KLRD1: variants seen among roughly 807,000 people sequenced by gnomAD.
KLRD1 encodes the protein killer cell lectin like receptor D1.
In KLRD1, 21 loss-of-function variants were observed where a neutral mutation model predicts 22.6. That is an observed-to-expected ratio of 0.93 (90% CI 0.66 to 1.34). The LOEUF (loss-of-function observed/expected upper bound fraction) is 1.34, where lower values mean the gene tolerates loss of function less well. Ranked by LOEUF, KLRD1 falls within the 40% of genes most tolerant of loss-of-function variation. KLRD1 has a pLI of 0.00. For synonymous variants in KLRD1, 59 were observed against 71.1 expected (o/e 0.83, Z 0.85); for missense variants, 183 against 208.6 (o/e 0.88, Z 0.76).
chr12:10,303,923 T>A (rs1949888587), upstream of KLRD1, among the ~76,000 whole-genome samples: 1 of 152,160 alleles, frequency 6.6e-6, no homozygotes, highest in Admixed American at 6.5e-5. Flanking sequence ...GGTTCCTAGA[T>A]ATAAGAGAGG....
upstream of KLRD1, among the ~76,000 whole-genome samples, chr12:10,307,612 G>A (rs1359797514): frequency 1.3e-5 from 2 of 152,108 alleles, no homozygotes; most frequent in East Asian, 1.9e-4. Context: ...ATTAAAAGAG[G>A]AAAATTCTGT....
rs1950235062 is a variant in KLRD1, at chr12:10,316,541, T to C, written c.*1748T>C. ...CCTCAGCCTTCTGAGTACTTGGGAC[T>C]CAGGTGCGAGCCATCATGCTCAGCT... On this transcript the variant is annotated 3_prime_UTR_variant, in exon 6 of 6. Coordinates refer to ENST00000336164, the MANE Select transcript of KLRD1 (RefSeq NM_002262.5). 6.6e-6 allele frequency: 1 copy of C among 151,818 alleles called. No homozygotes were observed. The highest frequency in any genetic ancestry group is 1.5e-5 in the Non-Finnish European group (1 of 68,032). 9.4% of individuals were successfully genotyped at this position (151,818 alleles called of 1,614,324 possible).
chr12:10,315,610 T>C lies in KLRD1; in HGVS notation c.*817T>C, dbSNP rs998254625. On this transcript the variant is annotated 3_prime_UTR_variant, in exon 6 of 6. Coordinates refer to ENST00000336164, the MANE Select transcript of KLRD1 (RefSeq NM_002262.5). ...GTCCATGTGACTACAAAATAATATATTTTTTAATTAAAAAATTTAAAATAA... is the reference window on the plus strand; with the variant it reads ...GTCCATGTGACTACAAAATAATATACTTTTTAATTAAAAAATTTAAAATAA... 2 of 152,688 alleles carry C rather than the reference T, an allele frequency of 1.3e-5. No homozygotes were observed. The highest frequency in any genetic ancestry group is 4.8e-5 in the African/African-American group (2 of 41,462). The allele number at this position is 152,688 out of a possible 1,614,324, so 9.5% of individuals were successfully genotyped here. A position where few individuals can be genotyped will look rare whatever the true frequency, so the allele number is the denominator to read the frequency against.
At chr12:10,239,434 TTTCCTTCCTTCCTTCC>T (rs1190408287) in intron 1 of KLRD1, among the ~76,000 whole-genome samples, 1 of 41,402 alleles carries the variant, frequency 2.4e-5, no homozygotes, top group Non-Finnish European at 4.9e-5. Context: ...CCTTCCTTCC[TTTCCTTCCTTCCTTCC>T]TTCCTTCCTT....
At chr12:10,264,927 T>C (rs545876460) in intron 1 of KLRD1, among the ~76,000 whole-genome samples, 2 of 152,220 alleles carry the variant, frequency 1.3e-5, no homozygotes, top group South Asian at 4.1e-4. Flanking sequence ...AAAAAAAGAT[T>C]CCACATATAA....
upstream of KLRD1, among the ~76,000 whole-genome samples, chr12:10,300,132 C>T (rs185335563): frequency 1.4e-4 from 21 of 152,306 alleles, no homozygotes; most frequent in Non-Finnish European, 2.6e-4. Context: ...TTTTTGACTT[C>T]CTTCCATGAA....
intron 1 of KLRD1, among the ~76,000 whole-genome samples, chr12:10,278,066 C>T (rs900358624): frequency 2.0e-5 from 3 of 152,216 alleles, no homozygotes; most frequent in East Asian, 1.9e-4. Flanking sequence ...CAGAGGCTTC[C>T]ACTGCATGCC....
chr12:10,276,141 T>C (rs757372042), intron 1 of KLRD1, among the ~76,000 whole-genome samples: 10 of 152,216 alleles, frequency 6.6e-5, no homozygotes, highest in Non-Finnish European at 1.2e-4. Flanking sequence ...TTGTATGATA[T>C]ACTCTCAATC....
rs1290248459 is a variant in KLRD1 at position 10,324,855 on chromosome 12, G to T, written c.*10062G>T. 7 of 39,348 alleles carry T rather than the reference G, an allele frequency of 1.8e-4. No homozygotes were observed. Among genetic ancestry groups the T allele is most frequent in the Middle Eastern group, 0.015 (1 of 66 alleles). The allele number at this position is 39,348 out of a possible 1,614,324, so 2.4% of individuals were successfully genotyped here. On this transcript the variant is annotated 3_prime_UTR_variant, in exon 6 of 6. Transcript: ENST00000336164. ...ATATATATATATATTCATTTACACAGTTGATTCTAAGTGTATCTTTTATTG... is the reference window on the plus strand; with the variant it reads ...ATATATATATATATTCATTTACACATTTGATTCTAAGTGTATCTTTTATTG...
At chr12:10,260,085 T>C (rs1421121447) in intron 1 of KLRD1, among the ~76,000 whole-genome samples, 2 of 150,624 alleles carry the variant, frequency 1.3e-5, no homozygotes, top group African/African-American at 4.9e-5. Flanking sequence ...CTATGGAGTA[T>C]AACTAGATGC....
intron 1 of KLRD1, among the ~76,000 whole-genome samples, chr12:10,274,848 T>A (rs142156960): frequency 1.4e-3 from 207 of 152,274 alleles, no homozygotes; most frequent in African/African-American, 4.7e-3. Flanking sequence ...TAAATATAAT[T>A]AATTTATACC....
intron 1 of KLRD1, among the ~76,000 whole-genome samples, chr12:10,253,335 G>T (rs186624368): frequency 1.3e-5 from 2 of 152,124 alleles, no homozygotes; most frequent in Non-Finnish European, 2.9e-5. Flanking sequence ...CTTTTTAAAT[G>T]CTCTTTAATG....
At chr12:10,263,255 A>AT (rs1349780403) in intron 1 of KLRD1, among the ~76,000 whole-genome samples, 2 of 151,996 alleles carry the variant, frequency 1.3e-5, no homozygotes, top group Non-Finnish European at 2.9e-5. Context: ...TACACTTTCA[A>AT]TCATCTTCAG....
At chr12:10,274,335 G>A (rs1322312045) in intron 1 of KLRD1, among the ~76,000 whole-genome samples, 1 of 152,130 alleles carries the variant, frequency 6.6e-6, no homozygotes, top group Non-Finnish European at 1.5e-5. Flanking sequence ...ACATCTAGTA[G>A]ATAAGGATGT....
intron 1 of KLRD1, among the ~76,000 whole-genome samples, chr12:10,283,276 T>C (rs1320940904): frequency 6.6e-6 from 1 of 152,018 alleles, no homozygotes; most frequent in Non-Finnish European, 1.5e-5. Context: ...TCAAACAACA[T>C]AGCATGAGGG....
intron 1 of KLRD1, among the ~76,000 whole-genome samples, chr12:10,269,014 T>G (rs1177338699): frequency 6.6e-6 from 1 of 152,218 alleles, no homozygotes; most frequent in Non-Finnish European, 1.5e-5. Context: ...AATATTTTCC[T>G]GTATGTAGAA....
chr12:10,239,520 T>C (rs1229044413), intron 1 of KLRD1, among the ~76,000 whole-genome samples: 2 of 10,288 alleles, frequency 1.9e-4, no homozygotes, highest in Non-Finnish European at 5.0e-4. Flanking sequence ...TTCCCTCCCC[T>C]TTCTTTCTTT....
intron 1 of KLRD1, among the ~76,000 whole-genome samples, chr12:10,266,383 A>G (rs1172217459): frequency 6.6e-6 from 1 of 152,144 alleles, no homozygotes; most frequent in African/African-American, 2.4e-5. Flanking sequence ...ATTTTAAAAT[A>G]CATTCTCATT....
At chr12:10,239,136 G>A (rs1263889146) in intron 1 of KLRD1, among the ~76,000 whole-genome samples, 3 of 152,218 alleles carry the variant, frequency 2.0e-5, no homozygotes, top group Non-Finnish European at 4.4e-5. Flanking sequence ...CAAAAAAGAT[G>A]AGAAAATATT....
Sources: gnomAD v4.1 joint callset for allele counts (sites outside exome capture counted in the v4.1 genomes callset) on GRCh38, gnomAD v4.1.1 for gene constraint, MANE v1.5 for transcripts, NCBI Gene and HGNC (gene_info 2026-07-23, HGNC 2026-07-21) for gene names.